POSTN: variants seen among roughly 807,000 people sequenced by gnomAD.
POSTN encodes osteoblast specific factor 2 (fasciclin I-like).
In POSTN, 71 loss-of-function variants were observed where a neutral mutation model predicts 104.5. That is an observed-to-expected ratio of 0.68 (90% CI 0.56 to 0.83). POSTN has a LOEUF of 0.83. Ranked by LOEUF, POSTN falls within the 40% of genes least tolerant of loss-of-function variation. The pLI is 0.00. For missense variants in POSTN, 949 were observed against 1,006.8 expected (o/e 0.94, Z 0.78); for synonymous variants, 355 against 340.7 (o/e 1.04, Z -0.46).
intron 9 of POSTN, among the ~76,000 whole-genome samples, chr13:37,582,773 G>A (rs1292543103): frequency 2.0e-5 from 3 of 152,134 alleles, no homozygotes; most frequent in Non-Finnish European, 2.9e-5. Flanking sequence ...CTCTGTAAGG[G>A]CTACATAGTT....
chr13:37,574,445 G>A (rs1164072166), intron 17 of POSTN, 127 bp downstream of exon 17: 2 of 1,267,510 alleles, frequency 1.6e-6, no homozygotes, highest in Non-Finnish European at 2.1e-6. Flanking sequence ...GCATGCCATT[G>A]GTATAATATT....
intron 2 of POSTN, among the ~76,000 whole-genome samples, chr13:37,596,447 A>C (rs1312524262): frequency 1.3e-5 from 2 of 152,134 alleles, no homozygotes; most frequent in Non-Finnish European, 2.9e-5. Flanking sequence ...ACTTTTTTCC[A>C]CCAATATTTA....
At chr13:37,564,239 A>G (rs1217012372) in intron 22 of POSTN, among the ~76,000 whole-genome samples, 1 of 131,356 alleles carries the variant, frequency 7.6e-6, no homozygotes, top group African/African-American at 2.7e-5. Context: ...TGTATGGAGA[A>G]TATACACTTG....
intron 4 of POSTN, 72 bp from the exon 5 acceptor site, chr13:37,588,058 T>TTCTA: frequency 8.4e-7 from 1 of 1,194,902 alleles, no homozygotes. Context: ...ATCACCCTAT[T>TTCTA]TCTACTCTCT....
chr13:37,586,993 A>G, intron 5 of POSTN, 65 bp from the exon 6 acceptor site: 1 of 1,452,230 alleles, frequency 6.9e-7, no homozygotes, highest in Non-Finnish European at 9.5e-7. Flanking sequence ...TGAGACTGCA[A>G]GCCCATTCCC....
At chr13:37,564,185 T>TACAAAACATTACATATATATAC (rs1459091575) in intron 22 of POSTN, among the ~76,000 whole-genome samples, 5 of 49,706 alleles carry the variant, frequency 1.0e-4, no homozygotes, top group Admixed American at 4.0e-4. Flanking sequence ...ACATTACATA[T>TACAAAACATTACATATATATAC]ATATATATAT....
rs1438479354 is a variant in POSTN, at chr13:37,577,812, T to C, written c.1963-14A>G. 9 of 1,613,370 alleles carry C rather than the reference T, an allele frequency of 5.6e-6. No homozygotes were observed. The highest frequency in any genetic ancestry group is 7.6e-6 in the Non-Finnish European group (9 of 1,179,570). On this transcript the variant is annotated splice_polypyrimidine_tract_variant and intron_variant, in intron 15 of 22. Transcript: ENST00000379747. ...ACCACGAACAAACTGAAAATAAATG[T>C]TTATATTTAGTAACATGAAAGGTGA...
intron 10 of POSTN, among the ~76,000 whole-genome samples, chr13:37,581,303 T>C (rs1344874210): frequency 6.6e-6 from 1 of 152,238 alleles, no homozygotes; most frequent in African/African-American, 2.4e-5. Context: ...TTCTAGGTAA[T>C]GCCTGACTTC....
At chr13:37,584,180 C>T in intron 8 of POSTN, 77 bp from the exon 9 acceptor site, 1 of 1,537,598 alleles carries the variant, frequency 6.5e-7, no homozygotes, top group Non-Finnish European at 8.9e-7. Context: ...AAATCAATTC[C>T]TGACTCTTTT....
rs1950738837 is a variant in POSTN, at chr13:37,586,168, C to T, written c.866G>A (p.Arg289Lys). 1 of 1,612,520 alleles carries T rather than the reference C, an allele frequency of 6.2e-7. No individual in the cohort carries two copies. Among genetic ancestry groups the T allele is most frequent in the South Asian group, 1.1e-5 (1 of 90,884 alleles). The change falls in exon 7 of 23, where the codon AGG becomes AAG. Residue 289 changes from arginine to lysine, a missense_variant. Physicochemically the swap from Arg to Lys is conservative, Grantham distance 26. Transcript: ENST00000379747. ...FEKLPRGVLE[R>K]IMGDKVASEA... ...GGAAGCCACTTTGTCTCCCATGATC[C>T]TTTCTAGGACACCTCGTGGAAGTTT...
chr13:37,590,177 T>G (rs1199982428), intron 4 of POSTN, among the ~76,000 whole-genome samples, 195 bp downstream of exon 4: 1 of 152,048 alleles, frequency 6.6e-6, no homozygotes, highest in Non-Finnish European at 1.5e-5. Flanking sequence ...AAAGTATAAG[T>G]CTCCTGGAGA....
At chr13:37,574,885 T>C (rs1950361758) in intron 16 of POSTN, among the ~76,000 whole-genome samples, 1 of 151,954 alleles carries the variant, frequency 6.6e-6, no homozygotes, top group Admixed American at 6.6e-5. Context: ...GTGAAATATA[T>C]ACTCACAAAG....
At chr13:37,598,463 C>T (rs991103678) in intron 1 of POSTN, 145 bp downstream of exon 1, 14 of 638,268 alleles carry the variant, frequency 2.2e-5, no homozygotes, top group Middle Eastern at 4.4e-4. Context: ...TCACAGAATA[C>T]TCACATTTTC....
chr13:37,591,787 A>G (rs1456257194), intron 3 of POSTN, among the ~76,000 whole-genome samples: 1 of 152,178 alleles, frequency 6.6e-6, no homozygotes, highest in East Asian at 1.9e-4. Context: ...AGTTTTGCCA[A>G]GTAGTTGAGT....
chr13:37,592,073 A>T, intron 3 of POSTN, 27 bp downstream of exon 3: 1 of 1,533,398 alleles, frequency 6.5e-7, no homozygotes, highest in Non-Finnish European at 9.0e-7. Flanking sequence ...ATAATTCCTT[A>T]TTTAATTCAA....
chr13:37,574,513 T>C, intron 17 of POSTN, 59 bp downstream of exon 17: 1 of 1,519,858 alleles, frequency 6.6e-7, no homozygotes, highest in Non-Finnish European at 8.8e-7. Flanking sequence ...TTCATAGAGA[T>C]CAGTATTTTT....
chr13:37,590,151 CCTT>C (rs1950884596), intron 4 of POSTN, among the ~76,000 whole-genome samples: 1 of 151,880 alleles, frequency 6.6e-6, no homozygotes. Flanking sequence ...TCTTGATTCC[CCTT>C]CTTAAAAAAA....
chr13:37,571,543 G>A, intron 17 of POSTN, 85 bp from the exon 18 acceptor site: 1 of 998,320 alleles, frequency 1.0e-6, no homozygotes, highest in Non-Finnish European at 1.5e-6. Context: ...TCAACATTCG[G>A]TGTGACTCAA....
In POSTN at chr13:37,574,627, C is replaced by A; in HGVS notation, c.2034G>T (p.Val678=). The A allele has an allele frequency of 6.3e-7, 1 of 1,595,528 alleles. No homozygotes were observed. Among genetic ancestry groups the A allele is most frequent in the Non-Finnish European group, 8.5e-7 (1 of 1,173,208 alleles). Residue 678 remains valine (V), a synonymous_variant, in exon 17 of 23, where the codon GTG becomes GTT. Transcript: ENST00000379747. ...VYTTKIITKV[V]EPKIKVIEGS... ...CTTCAATCACTTTAATTTTTGGTTCCACAACTTTGGTTATAATTTTAGTTG... is the reference window on the plus strand; with the variant it reads ...CTTCAATCACTTTAATTTTTGGTTCAACAACTTTGGTTATAATTTTAGTTG...
Sources: allele counts gnomAD v4.1 joint callset (sites outside exome capture counted in the v4.1 genomes callset), GRCh38; gene constraint gnomAD v4.1.1; transcripts MANE v1.5; gene names NCBI Gene and HGNC (gene_info 2026-07-23, HGNC 2026-07-21).